Variants in PPP1R13B observed in about 807,000 individuals in gnomAD.
The protein encoded by PPP1R13B is apoptosis-stimulating of p53 protein 1.
In PPP1R13B, 44 loss-of-function variants were observed where a neutral mutation model predicts 119.8. The observed-to-expected ratio is 0.37, with a 90% CI of 0.29 to 0.47. The LOEUF is 0.47. PPP1R13B is among the 20% of genes least tolerant of loss of function. PPP1R13B has a pLI of 0.99. For synonymous variants in PPP1R13B, 542 were observed against 561.5 expected (o/e 0.97, Z 0.49); for missense variants, 1,227 against 1,413.5 (o/e 0.87, Z 2.12).
At chr14:103,807,221 A>T (rs2086037267) in intron 1 of PPP1R13B, among the ~76,000 whole-genome samples, 1 of 152,174 alleles carries the variant, frequency 6.6e-6, no homozygotes, top group Non-Finnish European at 1.5e-5. Flanking sequence ...CTCTGCTGGA[A>T]TGGTGTCTTA....
intron 1 of PPP1R13B, among the ~76,000 whole-genome samples, chr14:103,815,245 ATAAAG>A (rs1471308171): frequency 4.6e-5 from 7 of 152,188 alleles, no homozygotes; most frequent in Admixed American, 2.6e-4. Context: ...CCACGGAGAG[ATAAAG>A]TAGATTAGTC....
intron 1 of PPP1R13B, among the ~76,000 whole-genome samples, chr14:103,806,174 C>T (rs928547017): frequency 6.6e-6 from 1 of 152,184 alleles, no homozygotes; most frequent in African/African-American, 2.4e-5. Flanking sequence ...CTGCAACTGG[C>T]TGGGGAAGCT....
chr14:103,769,410 A>AT (rs942228003), intron 4 of PPP1R13B, among the ~76,000 whole-genome samples: 61 of 148,844 alleles, frequency 4.1e-4, no homozygotes, highest in Non-Finnish European at 7.5e-4. Flanking sequence ...GTATTTTAAA[A>AT]TTTTTTTTTT....
chr14:103,768,003 C>T (rs1055905518), intron 4 of PPP1R13B, among the ~76,000 whole-genome samples: 1 of 152,174 alleles, frequency 6.6e-6, no homozygotes, highest in Non-Finnish European at 1.5e-5. Context: ...GTGGCCTCCA[C>T]TAACCATCTT....
chr14:103,740,243 G>A lies in PPP1R13B; in HGVS notation c.2173C>T (p.Leu725=). 1 of 1,608,238 alleles carries A rather than the reference G, an allele frequency of 6.2e-7. No individual in the cohort carries two copies. Among genetic ancestry groups the A allele is most frequent in the Non-Finnish European group, 8.5e-7 (1 of 1,176,270 alleles). The change falls in exon 12 of 17, where the codon CTG becomes TTG. Residue 725 remains leucine (L), a synonymous_variant. Coordinates refer to ENST00000202556, the MANE Select transcript of PPP1R13B (RefSeq NM_015316.3). This position sits in a 1 kb window ranked among gnomAD's most constrained non-coding sequence, Gnocchi z 4.6. The part of the protein sequence containing the change: ...EGPGGPNIQK[L]LYQRFNTLAG... ...AGGGTGTTGAAGCGCTGGTACAGCA[G>A]CTTCTGGATGTTGGGCCCGCCGGGG... is the stretch of plus-strand genomic sequence containing the variant.
At chr14:103,765,979 T>C (rs2084927183) in intron 4 of PPP1R13B, among the ~76,000 whole-genome samples, 2 of 140,754 alleles carry the variant, frequency 1.4e-5, no homozygotes, top group South Asian at 4.4e-4. Flanking sequence ...TCGGAGGAAA[T>C]TTTTATTTTA....
chr14:103,740,182 G>A lies in PPP1R13B; in HGVS notation c.2234C>T (p.Pro745Leu), dbSNP rs1567082893. ...GGMEGTPFYQ[P>L]SPSQDFMGTL... is the part of the protein sequence containing the mutation. ...GCCCATGAAGTCCTGGGAGGGGCTG[G>A]GCTGGTAGAAAGGGGTGCCCTCCAT... is the stretch of plus-strand genomic sequence containing the variant. Residue 745 changes from proline to leucine, a missense_variant, in exon 12 of 17, where the codon CCC becomes CTC. Transcript: ENST00000202556. This position sits in a 1 kb window ranked among gnomAD's most constrained non-coding sequence, Gnocchi z 4.6. 5 of 1,613,868 alleles carry A rather than the reference G, an allele frequency of 3.1e-6. No homozygotes were observed. Among genetic ancestry groups the A allele is most frequent in the Non-Finnish European group, 3.4e-6 (4 of 1,180,018 alleles).
At chr14:103,772,200 C>A (rs932956533) in intron 4 of PPP1R13B, among the ~76,000 whole-genome samples, 2 of 152,186 alleles carry the variant, frequency 1.3e-5, no homozygotes, top group Non-Finnish European at 2.9e-5. Context: ...CAGGAATATT[C>A]CACTGTGAGG....
chr14:103,760,671 T>A (rs2084783172), intron 4 of PPP1R13B, among the ~76,000 whole-genome samples: 1 of 151,892 alleles, frequency 6.6e-6, no homozygotes. Context: ...GTTCACTACC[T>A]GAACTCTGGG....
intron 1 of PPP1R13B, among the ~76,000 whole-genome samples, chr14:103,831,035 C>A (rs1409542533): frequency 6.6e-6 from 1 of 151,696 alleles, no homozygotes; most frequent in Non-Finnish European, 1.5e-5. Context: ...CCTCCGCCTC[C>A]CGAGTTCAAG....
chr14:103,804,070 G>A, intron 1 of PPP1R13B: 1 of 984,520 alleles, frequency 1.0e-6, no homozygotes, highest in Non-Finnish European at 1.2e-6. Context: ...AATCATCTAA[G>A]TGTGTCTTAA....
intron 3 of PPP1R13B, 108 bp downstream of exon 3, chr14:103,784,687 G>T: frequency 9.4e-7 from 1 of 1,060,920 alleles, no homozygotes. Flanking sequence ...CTAGCCACTT[G>T]TAAGTGCAGG....
At chr14:103,786,983 C>T (rs987683906) in intron 2 of PPP1R13B, among the ~76,000 whole-genome samples, 1 of 150,150 alleles carries the variant, frequency 6.7e-6, no homozygotes, top group South Asian at 2.1e-4. Flanking sequence ...GCTGGGATTA[C>T]GGGCGTGAGC....
chr14:103,812,459 G>A (rs867980020), intron 1 of PPP1R13B, among the ~76,000 whole-genome samples: 9 of 147,722 alleles, frequency 6.1e-5, no homozygotes, highest in African/African-American at 2.3e-4. Flanking sequence ...TCACTCTGTC[G>A]CCCAGTCTGG....
intron 4 of PPP1R13B, among the ~76,000 whole-genome samples, chr14:103,766,790 T>C (rs1010501022): frequency 1.3e-5 from 2 of 152,040 alleles, no homozygotes; most frequent in Admixed American, 1.3e-4. Context: ...GTATTTTTAG[T>C]AGAGATGGGT....
intron 5 of PPP1R13B, among the ~76,000 whole-genome samples, chr14:103,756,278 C>T (rs2084677129): frequency 1.3e-5 from 2 of 152,004 alleles, no homozygotes; most frequent in South Asian, 4.1e-4. Flanking sequence ...TTAGTATAGA[C>T]AGGGTTTCAC....
At chr14:103,839,647 T>A (rs998358966) in intron 1 of PPP1R13B, among the ~76,000 whole-genome samples, 1 of 151,294 alleles carries the variant, frequency 6.6e-6, no homozygotes, top group African/African-American at 2.4e-5. Context: ...AAAAAAATCT[T>A]TCTATCTCCT....
In PPP1R13B at chr14:103,736,131, T is replaced by C. The variant is rs371923911; in HGVS notation, c.3103A>G (p.Ser1035Gly). Reference protein sequence around the residue: ...YALWDYEAQNSDELSFHEGDA... With the variant: ...YALWDYEAQNGDELSFHEGDA... ...CCTTCGTGGAAGGACAGCTCGTCAC[T>C]GTTCTGGGCCTCGTAGTCCCACAGA... The change falls in exon 16 of 17, where the codon AGT becomes GGT. Residue 1035 changes from serine (S) to glycine (G), a missense_variant. Coordinates refer to ENST00000202556, the MANE Select transcript of PPP1R13B (RefSeq NM_015316.3). The C allele has an allele frequency of 1.9e-6, 3 of 1,614,218 alleles. No individual in the cohort carries two copies. Among genetic ancestry groups the C allele is most frequent in the Non-Finnish European group, 2.5e-6 (3 of 1,180,036 alleles).
At chr14:103,760,342 C>T (rs1210222281) in intron 4 of PPP1R13B, among the ~76,000 whole-genome samples, 1 of 152,124 alleles carries the variant, frequency 6.6e-6, no homozygotes, top group Non-Finnish European at 1.5e-5. Context: ...AAACCTATTA[C>T]CTAATTCTTC....
Sources: gnomAD v4.1 joint callset for allele counts (sites outside exome capture counted in the v4.1 genomes callset) on GRCh38, gnomAD v4.1.1 for gene constraint, Gnocchi (gnomAD v3.1) non-coding constraint, MANE v1.5 for transcripts, NCBI Gene and HGNC (gene_info 2026-07-23, HGNC 2026-07-21) for gene names.